Variants in SUGP2 observed in about 807,000 individuals in gnomAD.
The protein encoded by SUGP2 is SURP and G-patch domain containing 2, also known as SURP and G-patch domain-containing protein 2.
A neutral mutation model predicts 90.5 loss-of-function variants in SUGP2; 24 were observed. That is an observed-to-expected ratio of 0.27 (90% CI 0.19 to 0.37). The LOEUF is 0.37. Ranked by LOEUF, SUGP2 falls within the 10% of genes least tolerant of loss-of-function variation. The pLI, the probability that SUGP2 is intolerant of heterozygous loss-of-function variation, is 1.00. For synonymous variants in SUGP2, 473 were observed against 513.4 expected, an observed-to-expected ratio of 0.92 and a Z score of 1.06; for missense variants, 1,233 against 1,363.3, an observed-to-expected ratio of 0.90 and a Z score of 1.51.
chr19:19,009,718 A>G, intron 5 of SUGP2, 137 bp downstream of exon 5: 1 of 1,136,656 alleles, frequency 8.8e-7, no homozygotes. Context: ...CAACATGTAC[A>G]CTTGTCCTGG....
chr19:18,998,256 G>A (rs1302693535), intron 8 of SUGP2, among the ~76,000 whole-genome samples: 1 of 152,192 alleles, frequency 6.6e-6, no homozygotes, highest in Non-Finnish European at 1.5e-5. Flanking sequence ...TGTTTTATAT[G>A]GCTCCTGTGC....
At chr19:19,030,921 A>T in intron 2 of SUGP2, 30 bp downstream of exon 2, 2 of 1,596,716 alleles carry the variant, frequency 1.3e-6, no homozygotes, top group Non-Finnish European at 1.7e-6. Flanking sequence ...CTACCAAAAC[A>T]ACAACTACAA....
In SUGP2 at chr19:18,999,859, C is replaced by T. The variant is rs1286704948; in HGVS notation, c.2991+1754G>A. Among the ~76,000 whole-genome samples the T allele has an allele frequency of 2.0e-5, 3 of 152,178 alleles. No homozygotes were observed. In the East Asian group the frequency reaches 5.8e-4, roughly 29 times the overall value. On this transcript the variant is annotated intron_variant, in intron 8 of 10. Transcript: ENST00000452918. The stretch of plus-strand genomic sequence containing the variant: ...CTGCCCCCTTTCCATAACCTGGCTC[C>T]AGGTCAGTGAATGGCAGTTCTGTCC...
chr19:19,021,925 A>G (rs2058742429), intron 3 of SUGP2, among the ~76,000 whole-genome samples: 1 of 152,024 alleles, frequency 6.6e-6, no homozygotes, highest in South Asian at 2.1e-4. Flanking sequence ...TCAGCTTCCC[A>G]AAGTGTTGGG....
At chr19:19,021,195 A>G (rs1327611564) in intron 3 of SUGP2, among the ~76,000 whole-genome samples, 1 of 145,878 alleles carries the variant, frequency 6.9e-6, no homozygotes, top group Non-Finnish European at 1.5e-5. Flanking sequence ...AGAATGGTCT[A>G]TTTGTTCAGC....
chr19:19,029,719 C>G (rs1326797918), intron 2 of SUGP2, among the ~76,000 whole-genome samples: 1 of 151,026 alleles, frequency 6.6e-6, no homozygotes, highest in Non-Finnish European at 1.5e-5. Context: ...GCGGGCAGAT[C>G]ACAAGGTCAG....
chr19:19,022,230 C>T (rs1016510996), intron 3 of SUGP2, among the ~76,000 whole-genome samples: 11 of 152,174 alleles, frequency 7.2e-5, no homozygotes, highest in African/African-American at 2.6e-4. Context: ...ATGATCCACC[C>T]GCCTCGGCCT....
intron 1 of SUGP2, chr19:19,033,159 G>C (rs139983693): frequency 0.012 from 2,265 of 191,500 alleles, 50 homozygotes; most frequent in African/African-American, 0.048. Context: ...AGCGGGGGCC[G>C]CTCCGAGTTC....
chr19:19,008,240 T>G (rs1260475511), intron 6 of SUGP2, 77 bp downstream of exon 6: 4 of 1,258,390 alleles, frequency 3.2e-6, no homozygotes, highest in Non-Finnish European at 4.7e-6. Flanking sequence ...GGAATTCAAA[T>G]CCAGCCTAAG....
chr19:19,032,277 G>C (rs539103000), intron 1 of SUGP2, among the ~76,000 whole-genome samples: 125 of 151,568 alleles, frequency 8.2e-4, no homozygotes, highest in African/African-American at 2.9e-3. Context: ...TCCTGCCTCA[G>C]CCTCCTGAGT....
intron 2 of SUGP2, 150 bp downstream of exon 2, chr19:19,030,800 AC>A: frequency 1.0e-6 from 1 of 999,340 alleles, no homozygotes; most frequent in Non-Finnish European, 1.5e-6. Context: ...AAGAAACCAA[AC>A]CAAAATAAAA....
At chr19:19,017,220 A>C (rs1045089742) in intron 4 of SUGP2, among the ~76,000 whole-genome samples, 1 of 152,218 alleles carries the variant, frequency 6.6e-6, no homozygotes, top group Non-Finnish European at 1.5e-5. Flanking sequence ...GGCACAGCAC[A>C]CCTACAGAGT....
Position 19,025,972 on chromosome 19 carries a change from G to C in SUGP2, c.376C>G (p.Arg126Gly), listed in dbSNP as rs372681526. The change falls in exon 3 of 11, where the codon CGG becomes GGG. Residue 126 changes from arginine to glycine, a missense_variant. By Grantham distance (125) the Arg-to-Gly change is moderately radical. Around this residue, in one of 8 missense-constraint regions of SUGP2, gnomAD observed 418 missense variants for 399.9 expected, o/e 1.05. Transcript: ENST00000452918. ...SDSRDQVIGH[R>G]KLGHFRSQDW... ...TGAGAACGGAAATGCCCCAATTTCC[G>C]GTGGCCAATGACCTGGTCCCGAGAA... 6.2e-7 allele frequency: 1 copy of C among 1,614,056 alleles called. No homozygotes were observed. The highest frequency in any genetic ancestry group is 1.7e-5 in the Admixed American group (1 of 59,990).
intron 2 of SUGP2, among the ~76,000 whole-genome samples, chr19:19,027,592 G>T (rs966128783): frequency 6.6e-6 from 1 of 151,996 alleles, no homozygotes; most frequent in East Asian, 1.9e-4. Context: ...ATGACATTTT[G>T]AGACAGGCTA....
intron 8 of SUGP2, among the ~76,000 whole-genome samples, chr19:18,997,132 G>A (rs1042550011): frequency 3.3e-5 from 5 of 152,240 alleles, no homozygotes; most frequent in South Asian, 2.1e-4. Context: ...CAGGCCTCAC[G>A]AGGTATAATT....
At chr19:19,019,887 C>T (rs2058646050) in intron 3 of SUGP2, among the ~76,000 whole-genome samples, 1 of 145,224 alleles carries the variant, frequency 6.9e-6, no homozygotes, top group Non-Finnish European at 1.5e-5. Flanking sequence ...TGGCTCACAC[C>T]TGTAATCCTA....
At chr19:19,021,916 C>A (rs1012083682) in intron 3 of SUGP2, among the ~76,000 whole-genome samples, 4 of 152,168 alleles carry the variant, frequency 2.6e-5, no homozygotes, top group Non-Finnish European at 5.9e-5. Context: ...CCACCTGCTT[C>A]AGCTTCCCAA....
intron 3 of SUGP2, among the ~76,000 whole-genome samples, chr19:19,023,882 C>T (rs1229759425): frequency 4.0e-5 from 6 of 151,486 alleles, no homozygotes; most frequent in South Asian, 2.1e-4. Flanking sequence ...TGACAGAGCA[C>T]GACCCTGTCT....
chr19:18,998,812 A>G (rs921616206), intron 8 of SUGP2: 1 of 152,332 alleles, frequency 6.6e-6, no homozygotes, highest in Non-Finnish European at 1.5e-5. Context: ...AGAGGGGCAC[A>G]AACAGTGAAG....
Sources: allele counts gnomAD v4.1 joint callset (sites outside exome capture counted in the v4.1 genomes callset), GRCh38; gene constraint gnomAD v4.1.1; regional missense constraint gnomAD v4.1.1; transcripts MANE v1.5; gene names NCBI Gene and HGNC (gene_info 2026-07-23, HGNC 2026-07-21).